Variants in ITPR2 observed in about 807,000 individuals in gnomAD.
The protein encoded by ITPR2 is inositol 1,4,5-trisphosphate receptor type 2, also known as inositol 1,4,5-trisphosphate-gated calcium channel ITPR2.
In ITPR2, 207 loss-of-function variants were observed where a neutral mutation model predicts 317.1. The ratio of observed to expected loss-of-function variants is 0.65; its 90% CI spans 0.58 to 0.73. The LOEUF (loss-of-function observed/expected upper bound fraction) is 0.73. Ranked by LOEUF, ITPR2 falls within the 30% of genes least tolerant of loss-of-function variation. The pLI is 0.00. For synonymous variants in ITPR2, 1,156 were observed against 1,149.1 expected (o/e 1.01, Z -0.12); for missense variants, 2,613 against 3,284.0 (o/e 0.80, Z 4.99).
rs745494857 is a variant in ITPR2, at chr12:26,483,733, T to C, written c.5977A>G (p.Thr1993Ala). 6.2e-7 allele frequency: 1 copy of C among 1,614,226 alleles called. No homozygotes were observed. The highest frequency in any genetic ancestry group is 8.5e-7 in the Non-Finnish European group (1 of 1,180,032). The stretch of plus-strand genomic sequence containing the variant: ...TGGCAAGGGCCCTGGCAATACTCAG[T>C]CAAGCTCTCCAGGTTCTGGTTGACC... Reference protein sequence around the residue: ...ALVNQNLESLTEYCQGPCHEN... With the variant: ...ALVNQNLESLAEYCQGPCHEN... Residue 1993 changes from threonine to alanine, a missense_variant, in exon 42 of 57, where the codon ACT becomes GCT. Coordinates refer to ENST00000381340, the MANE Select transcript of ITPR2 (RefSeq NM_002223.4).
chr12:26,811,612 G>A (rs371739485), intron 1 of ITPR2, among the ~76,000 whole-genome samples: 1 of 150,990 alleles, frequency 6.6e-6, no homozygotes. Flanking sequence ...GCATGAACCC[G>A]GGGGGCAGAG....
Position 26,715,034 on chromosome 12 carries a change from T to C in ITPR2, c.855+265A>G, listed in dbSNP as rs561789721. 1.6e-4 allele frequency among the ~76,000 whole-genome samples: 25 copies of C among 152,256 alleles called. 1 individual carries two copies. The South Asian group carries it at 2.1e-3, about 13-fold the overall frequency. ...TGATTTGTTAAAAGTAAGATCGTAA[T>C]GTACCTTTTGTAAATGTGTGTGTGT... On this transcript the variant is annotated intron_variant, in intron 8 of 56. Transcript: ENST00000381340.
chr12:26,365,838 A>T (rs568177506), intron 55 of ITPR2, among the ~76,000 whole-genome samples: 7 of 152,256 alleles, frequency 4.6e-5, no homozygotes, highest in African/African-American at 1.7e-4. Context: ...ACAAACACTG[A>T]TCCCACAGCT....
At chr12:26,694,315 C>T (rs7968131) in intron 10 of ITPR2, among the ~76,000 whole-genome samples, 141,544 of 152,278 alleles carry the variant, frequency 0.93, 65,951 homozygotes, top group East Asian at 1. Flanking sequence ...CCAACTAATA[C>T]GAGTGACTGT....
In ITPR2 at chr12:26,716,318, C is replaced by T. The variant is rs1311528232; in HGVS notation, c.526-76G>A. On this transcript the variant is annotated intron_variant, in intron 5 of 56. Transcript: ENST00000381340. ...CTATATTCGAAGCTAGAAATAACTG[C>T]ACAGGAGTCCCCATTATTGATCTGA... 5.8e-6 allele frequency: 5 copies of T among 856,758 alleles called. No homozygotes were observed. The East Asian group carries it at 1.2e-4, about 21-fold the overall frequency. 53.1% of individuals were successfully genotyped at this position (856,758 alleles called of 1,614,324 possible). A position where few individuals can be genotyped will look rare whatever the true frequency, so the allele number is the denominator to read the frequency against.
In ITPR2 at chr12:26,600,011, A is replaced by T; in HGVS notation, c.3777T>A (p.His1259Gln). The T allele has an allele frequency of 6.2e-7, 1 of 1,605,728 alleles. No homozygotes were observed. The highest frequency in any genetic ancestry group is 1.1e-5 in the South Asian group (1 of 90,854). Reference sequence around the variant, plus strand: ...CACCTGGAGTTAAAAACAAATTCAGATGTTTATGAAGAAGAACTTGATTCT... The same window carrying T: ...CACCTGGAGTTAAAAACAAATTCAGTTGTTTATGAAGAAGAACTTGATTCT... ...NPQNQVLLHKHLNLFLTPGLL... is the reference protein window; with the variant it reads ...NPQNQVLLHKQLNLFLTPGLL... The change falls in exon 29 of 57, where the codon CAT (histidine) becomes CAA (glutamine). Residue 1259 changes from histidine to glutamine, a missense_variant. Coordinates refer to ENST00000381340, the MANE Select transcript of ITPR2 (RefSeq NM_002223.4).
chr12:26,735,748 T>C lies in ITPR2; in HGVS notation c.164-9983A>G, dbSNP rs1220692224. ...TGAACTTCAAATTTATATAAACATA[T>C]CCTGTGGTCAAGAGGAAAGGAAACT... On this transcript the variant is annotated intron_variant, in intron 2 of 56. Transcript: ENST00000381340. 2.0e-5 allele frequency among the ~76,000 whole-genome samples: 3 copies of C among 152,224 alleles called. No individual in the cohort carries two copies. In the East Asian group the frequency reaches 5.8e-4, roughly 29 times the overall value.
At chr12:26,563,961 G>T (rs997381365) in intron 34 of ITPR2, among the ~76,000 whole-genome samples, 4 of 152,186 alleles carry the variant, frequency 2.6e-5, no homozygotes, top group African/African-American at 9.7e-5. Context: ...TGAAAACAGG[G>T]ATGACTCAAG....
intron 37 of ITPR2, among the ~76,000 whole-genome samples, chr12:26,506,520 CAAAA>C (rs11362827): frequency 9.1e-5 from 8 of 87,486 alleles, no homozygotes; most frequent in African/African-American, 2.6e-4. Context: ...AATCCTGTCT[CAAAA>C]AAAAAAAAAA....
intron 45 of ITPR2, among the ~76,000 whole-genome samples, chr12:26,465,616 C>CCTCTCT (rs113967186): frequency 2.0e-5 from 3 of 150,418 alleles, no homozygotes; most frequent in South Asian, 2.1e-4. Context: ...CCTCTGGCGC[C>CCTCTCT]CTCTCTCTCT....
chr12:26,510,602 A>T (rs1029110056), intron 37 of ITPR2, among the ~76,000 whole-genome samples: 1 of 152,240 alleles, frequency 6.6e-6, no homozygotes, highest in Admixed American at 6.5e-5. Flanking sequence ...CATGCACAGA[A>T]ATGCAGTCAT....
At chr12:26,813,272 C>A (rs1340302470) in intron 1 of ITPR2, among the ~76,000 whole-genome samples, 1 of 152,088 alleles carries the variant, frequency 6.6e-6, no homozygotes, top group East Asian at 1.9e-4. Context: ...AAATTTTAAA[C>A]CCTGCTTATA....
chr12:26,777,777 G>T (rs1226827040), intron 2 of ITPR2, among the ~76,000 whole-genome samples: 1 of 152,106 alleles, frequency 6.6e-6, no homozygotes, highest in Non-Finnish European at 1.5e-5. Flanking sequence ...TGAAGGGGAG[G>T]TCCTTCCCCT....
intron 15 of ITPR2, 78 bp from the exon 16 acceptor site, chr12:26,659,363 G>C: frequency 8.1e-7 from 1 of 1,235,386 alleles, no homozygotes; most frequent in African/African-American, 1.5e-5. Flanking sequence ...CAACAACATT[G>C]ATTAATTTAT....
intron 13 of ITPR2, among the ~76,000 whole-genome samples, chr12:26,679,074 G>GCA (rs1947974358): frequency 6.6e-6 from 1 of 152,170 alleles, no homozygotes; most frequent in Non-Finnish European, 1.5e-5. Context: ...ATTCCTATCT[G>GCA]CACATCAGAA....
intron 48 of ITPR2, among the ~76,000 whole-genome samples, chr12:26,434,504 A>T (rs1941300310): frequency 6.6e-6 from 1 of 152,188 alleles, no homozygotes; most frequent in Admixed American, 6.5e-5. Flanking sequence ...TTTCATGTAC[A>T]ATAGGTGGCA....
chr12:26,763,244 A>AT (rs201669262), intron 2 of ITPR2, among the ~76,000 whole-genome samples: 3 of 152,074 alleles, frequency 2.0e-5, no homozygotes, highest in South Asian at 2.1e-4. Context: ...AAATATATAC[A>AT]TTTTTTCTTT....
At chr12:26,732,352 C>T (rs1320091094) in intron 2 of ITPR2, among the ~76,000 whole-genome samples, 1 of 152,138 alleles carries the variant, frequency 6.6e-6, no homozygotes, top group Non-Finnish European at 1.5e-5. Context: ...AGTGAATTCC[C>T]TAGATCCTTC....
At chr12:26,784,714 T>C (rs893174348) in intron 2 of ITPR2, among the ~76,000 whole-genome samples, 1 of 151,406 alleles carries the variant, frequency 6.6e-6, no homozygotes, top group African/African-American at 2.4e-5. Flanking sequence ...CCCAACCGCC[T>C]GCCTTGGCCC....
Sources: allele counts gnomAD v4.1 joint callset (sites outside exome capture counted in the v4.1 genomes callset), GRCh38; gene constraint gnomAD v4.1.1; transcripts MANE v1.5; gene names NCBI Gene and HGNC (gene_info 2026-07-23, HGNC 2026-07-21).